ASTN1: variants seen among roughly 807,000 people sequenced by gnomAD.
ASTN1 encodes astrotactin-1.
Under a neutral mutation model 140.7 loss-of-function variants are expected in ASTN1, and 41 were observed. That is an observed-to-expected ratio of 0.29 (90% CI 0.23 to 0.38). ASTN1 has a LOEUF of 0.38. ASTN1 is among the 10% of genes least tolerant of loss of function. The pLI is 1.00. For missense variants in ASTN1, 1,479 were observed against 1,678.8 expected, an observed-to-expected ratio of 0.88 and a Z score of 2.08; for synonymous variants, 640 against 652.2, an observed-to-expected ratio of 0.98 and a Z score of 0.29.
At chr1:177,020,918 G>T (rs1675790887) in intron 7 of ASTN1, among the ~76,000 whole-genome samples, 1 of 152,168 alleles carries the variant, frequency 6.6e-6, no homozygotes, top group Non-Finnish European at 1.5e-5. Flanking sequence ...GCATCCATAT[G>T]GGCAGACCCC....
intron 1 of ASTN1, among the ~76,000 whole-genome samples, chr1:177,086,027 G>C (rs542636874): frequency 9.9e-5 from 15 of 152,206 alleles, no homozygotes; most frequent in Admixed American, 9.2e-4. Flanking sequence ...TCCTGGAAAG[G>C]GGTCTGCAGA....
intron 8 of ASTN1, among the ~76,000 whole-genome samples, chr1:177,009,213 G>T (rs1286969432): frequency 1.3e-5 from 2 of 152,164 alleles, no homozygotes; most frequent in Non-Finnish European, 2.9e-5. Context: ...GTTTTAGGTG[G>T]ACAGGAGAAG....
At chr1:177,050,396 C>G (rs1677479816) in intron 2 of ASTN1, among the ~76,000 whole-genome samples, 1 of 152,144 alleles carries the variant, frequency 6.6e-6, no homozygotes, top group Admixed American at 6.5e-5. Context: ...TGTGAAGCAC[C>G]CACTACTGTC....
intron 7 of ASTN1, among the ~76,000 whole-genome samples, chr1:177,021,602 T>C (rs1245469007): frequency 6.6e-6 from 1 of 152,230 alleles, no homozygotes; most frequent in Non-Finnish European, 1.5e-5. Flanking sequence ...GTGTAACTTC[T>C]TAAGGAATTC....
chr1:177,060,959 A>T, intron 2 of ASTN1, 119 bp downstream of exon 2: 1 of 1,055,676 alleles, frequency 9.5e-7, no homozygotes. Flanking sequence ...TTACTTATTA[A>T]CATGATCAAT....
At chr1:177,145,366 T>C (rs973468280) in intron 1 of ASTN1, among the ~76,000 whole-genome samples, 6 of 152,182 alleles carry the variant, frequency 3.9e-5, no homozygotes, top group Non-Finnish European at 7.3e-5. Flanking sequence ...ACAATGTGCC[T>C]TCCAGGCTCA....
chr1:177,025,041 C>G (rs1042611536), intron 5 of ASTN1, among the ~76,000 whole-genome samples: 1 of 152,166 alleles, frequency 6.6e-6, no homozygotes, highest in Admixed American at 6.5e-5. Context: ...CTTCCCTAGT[C>G]GCCTTACTAA....
chr1:176,935,095 T>C (rs1355602392), intron 15 of ASTN1, among the ~76,000 whole-genome samples: 1 of 152,216 alleles, frequency 6.6e-6, no homozygotes, highest in Non-Finnish European at 1.5e-5. Flanking sequence ...TATATCTGTC[T>C]GAAAGATGGC....
chr1:176,985,374 G>A (rs142480277), intron 8 of ASTN1, among the ~76,000 whole-genome samples: 135 of 151,740 alleles, frequency 8.9e-4, no homozygotes, highest in African/African-American at 3.0e-3. Context: ...TCTCTCCCCC[G>A]CTTGTCTCCC....
intron 1 of ASTN1, among the ~76,000 whole-genome samples, chr1:177,123,863 C>T (rs572220794): frequency 2.0e-5 from 3 of 152,102 alleles, no homozygotes; most frequent in Non-Finnish European, 2.9e-5. Flanking sequence ...GGCAGGAAGC[C>T]GAATTCAGTG....
chr1:177,016,702 A>C (rs1355009639), intron 7 of ASTN1, among the ~76,000 whole-genome samples: 1 of 152,236 alleles, frequency 6.6e-6, no homozygotes. Context: ...GAACGAGGTT[A>C]GTCTTCCCCC....
At chr1:177,094,656 C>T (rs971129119) in intron 1 of ASTN1, among the ~76,000 whole-genome samples, 19 of 152,110 alleles carry the variant, frequency 1.2e-4, no homozygotes, top group African/African-American at 4.1e-4. Context: ...GTTATAGCAG[C>T]CCGAACAGAC....
At position 177,100,441 on chromosome 1, in the gene ASTN1, C is replaced by A. The variant is rs781352921; in HGVS notation, c.284-39176G>T. 2.0e-4 allele frequency among the ~76,000 whole-genome samples: 30 copies of A among 152,090 alleles called. 1 individual carries two copies. The highest frequency in any genetic ancestry group is 6.5e-4 in the Admixed American group (10 of 15,270). ...AAGCAGGTTAAAGATAGCTTAGAAACTGCATACACATAGAATTCTTCCACT... is the reference window on the plus strand; with the variant it reads ...AAGCAGGTTAAAGATAGCTTAGAAAATGCATACACATAGAATTCTTCCACT... On this transcript the variant is annotated intron_variant, in intron 1 of 22. Coordinates refer to ENST00000361833, the MANE Select transcript of ASTN1 (RefSeq NM_004319.3).
intron 1 of ASTN1, among the ~76,000 whole-genome samples, chr1:177,100,895 C>A (rs971485723): frequency 2.0e-5 from 3 of 152,076 alleles, no homozygotes; most frequent in South Asian, 4.1e-4. Flanking sequence ...GAATTGTAGA[C>A]CAGCCTGGCC....
At chr1:177,098,325 T>C (rs536989815) in intron 1 of ASTN1, among the ~76,000 whole-genome samples, 2 of 152,192 alleles carry the variant, frequency 1.3e-5, no homozygotes, top group South Asian at 2.1e-4. Flanking sequence ...ACATTTGGTG[T>C]CAGGAGTGTT....
intron 2 of ASTN1, among the ~76,000 whole-genome samples, chr1:177,043,669 C>T (rs1677079487): frequency 6.6e-6 from 1 of 152,230 alleles, no homozygotes; most frequent in Admixed American, 6.5e-5. Context: ...GTGACTCAAT[C>T]TTGGCATCCA....
At chr1:177,070,349 T>C (rs1390827907) in intron 1 of ASTN1, among the ~76,000 whole-genome samples, 1 of 152,246 alleles carries the variant, frequency 6.6e-6, no homozygotes, top group Non-Finnish European at 1.5e-5. Context: ...GAGATTAGTA[T>C]TTGCTATAAT....
At chr1:177,130,121 C>A (rs191480914) in intron 1 of ASTN1, among the ~76,000 whole-genome samples, 8 of 152,296 alleles carry the variant, frequency 5.3e-5, no homozygotes, top group South Asian at 2.1e-4. Context: ...CATGGCTAAA[C>A]CTTACTTTGT....
At chr1:177,152,624 A>G (rs552632786) in intron 1 of ASTN1, among the ~76,000 whole-genome samples, 88 of 152,186 alleles carry the variant, frequency 5.8e-4, no homozygotes, top group South Asian at 4.6e-3. Context: ...TCAACATCTT[A>G]AATATTTAAT....
Sources: allele counts gnomAD v4.1 joint callset (sites outside exome capture counted in the v4.1 genomes callset), GRCh38; gene constraint gnomAD v4.1.1; transcripts MANE v1.5; gene names NCBI Gene and HGNC (gene_info 2026-07-23, HGNC 2026-07-21).